Variants in SLC24A4 observed in about 807,000 individuals in gnomAD.
The protein encoded by SLC24A4 is solute carrier family 24 member 4.
Under a neutral mutation model 79.0 loss-of-function variants are expected in SLC24A4, and 53 were observed. The ratio of observed to expected loss-of-function variants is 0.67; its 90% confidence interval spans 0.54 to 0.84. The LOEUF is 0.84. Ranked by LOEUF, SLC24A4 falls within the 40% of genes least tolerant of loss-of-function variation. SLC24A4 has a pLI of 0.00. For synonymous variants in SLC24A4, 323 were observed against 323.8 expected (o/e 1.00, Z 0.03); for missense variants, 731 against 822.0 (o/e 0.89, Z 1.35).
chr14:92,407,074 T>C (rs1419937360), intron 2 of SLC24A4, among the ~76,000 whole-genome samples: 2 of 152,222 alleles, frequency 1.3e-5, no homozygotes, highest in Non-Finnish European at 2.9e-5. Flanking sequence ...AACACTTTGC[T>C]CTTAGGACTT....
intron 2 of SLC24A4, among the ~76,000 whole-genome samples, chr14:92,334,624 C>CGTCT (rs981442826): frequency 2.6e-4 from 40 of 152,258 alleles, no homozygotes; most frequent in Admixed American, 7.2e-4. Flanking sequence ...GGCTCCTTCC[C>CGTCT]GTCTGTCTGT....
At chr14:92,410,739 G>T (rs4904901) in intron 2 of SLC24A4, among the ~76,000 whole-genome samples, 40,203 of 152,078 alleles carry the variant, frequency 0.26, 5,821 homozygotes, top group Non-Finnish European at 0.32. Context: ...CTTGCCCAAG[G>T]CCAGACCACC....
intron 1 of SLC24A4, 49 bp from the exon 2 acceptor site, chr14:92,325,819 C>A: frequency 1.7e-6 from 2 of 1,160,368 alleles, no homozygotes; most frequent in Non-Finnish European, 2.5e-6. Flanking sequence ...TTTGGAAACG[C>A]AGCCATCACA....
At chr14:92,454,114 A>C (rs1396930926) in intron 11 of SLC24A4, 45 bp downstream of exon 11, 2 of 1,584,552 alleles carry the variant, frequency 1.3e-6, no homozygotes, top group South Asian at 2.3e-5. Context: ...CCTTGGATGC[A>C]GGAGGCCTTG....
intron 12 of SLC24A4, among the ~76,000 whole-genome samples, chr14:92,459,413 C>T (rs1893666861): frequency 6.6e-6 from 1 of 152,162 alleles, no homozygotes; most frequent in Non-Finnish European, 1.5e-5. Context: ...CTCTGCACCC[C>T]TGAGTCCTCC....
At chr14:92,420,773 C>A (rs1891230658) in intron 2 of SLC24A4, among the ~76,000 whole-genome samples, 1 of 152,238 alleles carries the variant, frequency 6.6e-6, no homozygotes, top group African/African-American at 2.4e-5. Context: ...CTAGAGTCCA[C>A]CTCTACCAGC....
chr14:92,449,850 C>G (rs1305212958), intron 10 of SLC24A4, among the ~76,000 whole-genome samples: 1 of 152,226 alleles, frequency 6.6e-6, no homozygotes, highest in Non-Finnish European at 1.5e-5. Flanking sequence ...TGTCCGGGAA[C>G]TGGGGGTCTG....
At chr14:92,438,439 C>T (rs544899262) in intron 3 of SLC24A4, among the ~76,000 whole-genome samples, 1 of 152,046 alleles carries the variant, frequency 6.6e-6, no homozygotes, top group African/African-American at 2.4e-5. Context: ...CTCCCCCCGC[C>T]ATCTCTACAA....
chr14:92,413,425 C>CT (rs1169669773), intron 2 of SLC24A4, among the ~76,000 whole-genome samples: 1 of 152,200 alleles, frequency 6.6e-6, no homozygotes, highest in Non-Finnish European at 1.5e-5. Context: ...GAGCCCAACT[C>CT]TCCCATCTCC....
intron 2 of SLC24A4, among the ~76,000 whole-genome samples, chr14:92,379,942 G>A (rs2141708039): frequency 6.6e-6 from 1 of 152,260 alleles, no homozygotes; most frequent in Non-Finnish European, 1.5e-5. Flanking sequence ...TTGTCTTCGT[G>A]GCACTCAGTA....
chr14:92,420,594 T>C (rs564972697), intron 2 of SLC24A4, among the ~76,000 whole-genome samples: 48 of 152,296 alleles, frequency 3.2e-4, no homozygotes, highest in African/African-American at 9.1e-4. Flanking sequence ...TTGATCTGGG[T>C]GTTGGAGGTA....
chr14:92,474,243 A>G (rs952719627), intron 12 of SLC24A4, among the ~76,000 whole-genome samples: 1 of 152,190 alleles, frequency 6.6e-6, no homozygotes, highest in African/African-American at 2.4e-5. Flanking sequence ...TGTTCAGATT[A>G]TCTTTTCCTG....
intron 2 of SLC24A4, among the ~76,000 whole-genome samples, chr14:92,404,677 G>C (rs892846749): frequency 1.3e-5 from 2 of 152,100 alleles, no homozygotes; most frequent in Non-Finnish European, 2.9e-5. Context: ...CCCATCTAAA[G>C]CATGCATCCC....
intron 12 of SLC24A4, among the ~76,000 whole-genome samples, chr14:92,472,650 A>G (rs1471328322): frequency 6.6e-6 from 1 of 152,034 alleles, no homozygotes; most frequent in African/African-American, 2.4e-5. Context: ...ATATGTGCAT[A>G]TATGTACACA....
At chr14:92,476,000 G>A (rs1026445712) in intron 12 of SLC24A4, among the ~76,000 whole-genome samples, 3 of 152,132 alleles carry the variant, frequency 2.0e-5, no homozygotes, top group Admixed American at 1.3e-4. Context: ...CACGTGGGTG[G>A]GGCCAGATGG....
intron 15 of SLC24A4, 60 bp from the exon 16 acceptor site, chr14:92,492,115 T>C (rs1895710223): frequency 6.6e-7 from 1 of 1,514,904 alleles, no homozygotes; most frequent in Non-Finnish European, 9.1e-7. Flanking sequence ...TGCTGGGATT[T>C]CTGGATGGAT....
intron 2 of SLC24A4, among the ~76,000 whole-genome samples, chr14:92,347,892 C>G (rs1056600009): frequency 1.9e-4 from 29 of 152,168 alleles, no homozygotes; most frequent in Admixed American, 1.9e-3. Flanking sequence ...TGCCACTGCA[C>G]TCCAGCCTGG....
chr14:92,422,662 A>G (rs1050682778), intron 2 of SLC24A4, among the ~76,000 whole-genome samples: 1 of 52,368 alleles, frequency 1.9e-5, no homozygotes, highest in African/African-American at 6.5e-5. Flanking sequence ...ATATCATGCT[A>G]AAAAATGGAA....
At chr14:92,365,350 A>G (rs1384235736) in intron 2 of SLC24A4, among the ~76,000 whole-genome samples, 3 of 152,230 alleles carry the variant, frequency 2.0e-5, no homozygotes, top group Non-Finnish European at 2.9e-5. Flanking sequence ...AAGCCTTGCC[A>G]TGGTCCTGGT....
Sources: gnomAD v4.1 joint callset for allele counts (sites outside exome capture counted in the v4.1 genomes callset) on GRCh38, gnomAD v4.1.1 for gene constraint, MANE v1.5 for transcripts, NCBI Gene and HGNC (gene_info 2026-07-23, HGNC 2026-07-21) for gene names.